The following MAP3K4 variants were observed in gnomAD, a reference collection of about 807,000 sequenced individuals.
MAP3K4 encodes mitogen-activated protein kinase kinase kinase 4.
In MAP3K4, 67 loss-of-function variants were observed where a neutral mutation model predicts 185.6. The ratio of observed to expected loss-of-function variants is 0.36; its 90% CI spans 0.30 to 0.44. The LOEUF is 0.44. Among genes scored for constraint, MAP3K4 ranks in the 20% least tolerant of loss-of-function variants. MAP3K4 has a pLI of 1.00. For synonymous variants in MAP3K4, 702 were observed against 710.4 expected, an observed-to-expected ratio of 0.99 and a Z score of 0.19; for missense variants, 1,551 against 1,995.1, an observed-to-expected ratio of 0.78 and a Z score of 4.24.
intron 11 of MAP3K4, among the ~76,000 whole-genome samples, chr6:161,090,979 G>T (rs1046131938): frequency 1.3e-5 from 2 of 152,226 alleles, no homozygotes; most frequent in Admixed American, 1.3e-4. Flanking sequence ...GGACTAGGGA[G>T]TAGCAGGGAA....
chr6:161,035,630 C>G (rs1172718374), intron 2 of MAP3K4, among the ~76,000 whole-genome samples: 1 of 152,132 alleles, frequency 6.6e-6, no homozygotes, highest in South Asian at 2.1e-4. Flanking sequence ...CCTGTACTTA[C>G]CCCTTTGGAA....
chr6:161,089,225 TC>T, intron 10 of MAP3K4, 96 bp from the exon 11 acceptor site: 1 of 1,314,032 alleles, frequency 7.6e-7, no homozygotes, highest in East Asian at 2.3e-5. Context: ...TGGCCTGGTA[TC>T]CCTGAGATTG....
At position 161,100,441 on chromosome 6, in the gene MAP3K4, G is replaced by T. The variant is rs1459371360; in HGVS notation, c.3675-1451G>T. 4.6e-5 allele frequency among the ~76,000 whole-genome samples: 7 copies of T among 152,210 alleles called. No individual in the cohort carries two copies. The highest frequency in any genetic ancestry group is 8.8e-5 in the Non-Finnish European group (6 of 68,040). Reference sequence around the variant, plus strand: ...ATTTTACTTGACCTAGGAAATATCTGTTCTGGGCTTAAGTTATCTTATCAT... The same window carrying T: ...ATTTTACTTGACCTAGGAAATATCTTTTCTGGGCTTAAGTTATCTTATCAT... On this transcript the variant is annotated intron_variant, in intron 17 of 26. Coordinates refer to ENST00000392142, the MANE Select transcript of MAP3K4 (RefSeq NM_005922.4). The surrounding 1 kb of genome is among the most constrained non-coding windows in gnomAD (Gnocchi z 5.8).
intron 1 of MAP3K4, among the ~76,000 whole-genome samples, chr6:161,003,629 G>T (rs1340465867): frequency 6.6e-6 from 1 of 152,170 alleles, no homozygotes; most frequent in East Asian, 1.9e-4. Flanking sequence ...GCCTGTAGCT[G>T]ATTGTAAGTG....
chr6:160,995,971 A>T (rs889235578), intron 1 of MAP3K4, among the ~76,000 whole-genome samples: 2 of 152,202 alleles, frequency 1.3e-5, no homozygotes, highest in African/African-American at 2.4e-5. Context: ...TAAAAAATGA[A>T]TTATTTACTT....
In MAP3K4 at chr6:161,107,759, C is replaced by A; in HGVS notation, c.4049-140C>A. The A allele has an allele frequency of 5.1e-6, 3 of 584,172 alleles. No individual in the cohort carries two copies. The highest frequency in any genetic ancestry group is 8.6e-6 in the Non-Finnish European group (3 of 347,434). 36.2% of individuals were successfully genotyped at this position (584,172 alleles called of 1,614,324 possible). ...ACATTTAGAAAAATTTTGGATCTTG[C>A]AATAGTAAACTGCAGTAAACATAAT... On this transcript the variant is annotated intron_variant, in intron 20 of 26. Transcript: ENST00000392142. The surrounding 1 kb of genome is among the most constrained non-coding windows in gnomAD (Gnocchi z 6.2).
chr6:161,086,629 G>A lies in MAP3K4; in HGVS notation c.2518G>A (p.Asp840Asn). Reference sequence around the variant, plus strand: ...ATTCAGGCTTTCAGCCCCAGTTAGAGACCTCCTGGATGTTCTGAAATCAAA... The same window carrying A: ...ATTCAGGCTTTCAGCCCCAGTTAGAAACCTCCTGGATGTTCTGAAATCAAA... ...AEFRLSAPVRDLLDVLKSKQY... is the reference protein window; with the variant it reads ...AEFRLSAPVRNLLDVLKSKQY... The change falls in exon 9 of 27, where the codon GAC becomes AAC. Residue 840 changes from aspartate (D) to asparagine (N), a missense_variant. Physicochemically the swap from Asp to Asn is conservative, Grantham distance 23 (BLOSUM62 1). Transcript: ENST00000392142. This position sits in a 1 kb window ranked among gnomAD's most constrained non-coding sequence, Gnocchi z 4.8. 1 of 1,614,080 alleles carries A rather than the reference G, an allele frequency of 6.2e-7. No individual in the cohort carries two copies. The highest frequency in any genetic ancestry group is 8.5e-7 in the Non-Finnish European group (1 of 1,179,996).
In MAP3K4 at chr6:161,076,224, G is replaced by A. The variant is rs187552181; in HGVS notation, c.2097+2612G>A. On this transcript the variant is annotated intron_variant, in intron 5 of 26. Transcript: ENST00000392142. This position sits in a 1 kb window ranked among gnomAD's most constrained non-coding sequence, Gnocchi z 4.2. ...AACTAGAGCCTTGATATCTAGGGGT[G>A]TGACAGCCATGACCGAAGCTGAGCC... Among the ~76,000 whole-genome samples the A allele has an allele frequency of 1.3e-5, 2 of 152,354 alleles. No individual in the cohort carries two copies. Among genetic ancestry groups the A allele is most frequent in the East Asian group, 3.9e-4 (2 of 5,178 alleles).
intron 3 of MAP3K4, among the ~76,000 whole-genome samples, chr6:161,060,618 C>CTTTTTTTT (rs35196179): frequency 1.6e-5 from 2 of 126,412 alleles, no homozygotes; most frequent in African/African-American, 3.0e-5. Flanking sequence ...TTTTCTTTTT[C>CTTTTTTTT]TTTTTTTTTT....
rs936854587 is a variant in MAP3K4 at position 161,075,123 on chromosome 6, G to T, written c.2097+1511G>T. Among the ~76,000 whole-genome samples the T allele has an allele frequency of 6.6e-6, 1 of 152,184 alleles. No homozygotes were observed. The highest frequency in any genetic ancestry group is 2.4e-5 in the African/African-American group (1 of 41,454). ...GTTATTCTCTATATAAAAGACCTGA[G>T]TGTGTAAAATGGCTGTATTTTGAAA... On this transcript the variant is annotated intron_variant, in intron 5 of 26. Coordinates refer to ENST00000392142, the MANE Select transcript of MAP3K4 (RefSeq NM_005922.4). The surrounding 1 kb of genome is among the most constrained non-coding windows in gnomAD (Gnocchi z 4.3).
At chr6:161,113,069 G>T (rs1257274733) in intron 25 of MAP3K4, among the ~76,000 whole-genome samples, 1 of 152,128 alleles carries the variant, frequency 6.6e-6, no homozygotes, top group East Asian at 1.9e-4. Context: ...TTGGAAACAT[G>T]TCCACACAAA....
rs1783211109 is a variant in MAP3K4, at chr6:161,037,227, T to C, written c.343+2778T>C. Among the ~76,000 whole-genome samples, 1 of 152,176 alleles carries C rather than the reference T, an allele frequency of 6.6e-6. No homozygotes were observed. Among genetic ancestry groups the C allele is most frequent in the African/African-American group, 2.4e-5 (1 of 41,444 alleles). ...GAGAATTTATTTGTTCTCAGACTAT[T>C]GCAGCACAGCATGGTGGACAAAAGC... On this transcript the variant is annotated intron_variant, in intron 2 of 26. Transcript: ENST00000392142. This position sits in a 1 kb window ranked among gnomAD's most constrained non-coding sequence, Gnocchi z 4.2.
At chr6:161,059,808 G>A (rs1784408322) in intron 3 of MAP3K4, among the ~76,000 whole-genome samples, 1 of 147,726 alleles carries the variant, frequency 6.8e-6, no homozygotes, top group African/African-American at 2.5e-5. Flanking sequence ...ATGTCCATGT[G>A]TTATCATTGT....
Position 161,048,582 on chromosome 6 carries a change from T to C in MAP3K4, c.344-34T>C. 7.3e-7 allele frequency: 1 copy of C among 1,364,076 alleles called. No homozygotes were observed. Among genetic ancestry groups the C allele is most frequent in the Non-Finnish European group, 1.0e-6 (1 of 1,001,972 alleles). The allele number at this position is 1,364,076 out of a possible 1,614,324, so 84.5% of individuals were successfully genotyped here. Reference sequence around the variant, plus strand: ...TGAGAGTAGCTTCATATTTTAGAGTTATATAATGTTCTGTTTATTTTTTTT... The same window carrying C: ...TGAGAGTAGCTTCATATTTTAGAGTCATATAATGTTCTGTTTATTTTTTTT... On this transcript the variant is annotated intron_variant, in intron 2 of 26. Coordinates refer to ENST00000392142, the MANE Select transcript of MAP3K4 (RefSeq NM_005922.4). This position sits in a 1 kb window ranked among gnomAD's most constrained non-coding sequence, Gnocchi z 4.7.
chr6:161,096,954 A>G lies in MAP3K4; in HGVS notation c.3428-126A>G. Reference sequence around the variant, plus strand: ...ATATGTAATATTATTTTTTACTTATATAAATGGACTTACCTTGGTCATTGG... The same window carrying G: ...ATATGTAATATTATTTTTTACTTATGTAAATGGACTTACCTTGGTCATTGG... On this transcript the variant is annotated intron_variant, in intron 15 of 26. Transcript: ENST00000392142. This position sits in a 1 kb window ranked among gnomAD's most constrained non-coding sequence, Gnocchi z 4.9. The G allele has an allele frequency of 1.6e-6, 1 of 631,400 alleles. No homozygotes were observed. The highest frequency in any genetic ancestry group is 2.8e-6 in the Non-Finnish European group (1 of 355,262). 39.1% of individuals were successfully genotyped at this position (631,400 alleles called of 1,614,324 possible).
In MAP3K4 at chr6:161,093,989, A is replaced by G. The variant is rs1777452727; in HGVS notation, c.3427+138A>G. The G allele has an allele frequency of 1.6e-6, 1 of 633,790 alleles. No individual in the cohort carries two copies. The highest frequency in any genetic ancestry group is 2.1e-5 in the South Asian group (1 of 48,632). The allele number at this position is 633,790 out of a possible 1,614,324, so 39.3% of individuals were successfully genotyped here. On this transcript the variant is annotated intron_variant, in intron 15 of 26. Transcript: ENST00000392142. This position sits in a 1 kb window ranked among gnomAD's most constrained non-coding sequence, Gnocchi z 5.2. Reference sequence around the variant, plus strand: ...GAAAACGACAATGAGAGGGACAGAAATGAGGTGTGTAGATAGAGAACTCCG... The same window carrying G: ...GAAAACGACAATGAGAGGGACAGAAGTGAGGTGTGTAGATAGAGAACTCCG...
At position 161,109,021 on chromosome 6, in the gene MAP3K4, T is replaced by G; in HGVS notation, c.4236+162T>G. 1 of 1,567,200 alleles carries G rather than the reference T, an allele frequency of 6.4e-7. No individual in the cohort carries two copies. On this transcript the variant is annotated intron_variant, in intron 22 of 26. Coordinates refer to ENST00000392142, the MANE Select transcript of MAP3K4 (RefSeq NM_005922.4). The surrounding 1 kb of genome is among the most constrained non-coding windows in gnomAD (Gnocchi z 5.7). Reference sequence around the variant, plus strand: ...ATCATTTCTGCCTTCTCTCTGAAACTAGAGGAGTTCCTCCTAAAATGTAAG... The same window carrying G: ...ATCATTTCTGCCTTCTCTCTGAAACGAGAGGAGTTCCTCCTAAAATGTAAG...
rs943439717 is a variant in MAP3K4, at chr6:161,022,768, C to T, written c.153-11491C>T. On this transcript the variant is annotated intron_variant, in intron 1 of 26. Transcript: ENST00000392142. This position sits in a 1 kb window ranked among gnomAD's most constrained non-coding sequence, Gnocchi z 4.2. ...TACCTCGCATGTAACAGAGCACCTC[C>T]CATCATCAATAAGAATTGACCTCCT... Among the ~76,000 whole-genome samples, 4 of 152,088 alleles carry T rather than the reference C, an allele frequency of 2.6e-5. No homozygotes were observed. The highest frequency in any genetic ancestry group is 9.7e-5 in the African/African-American group (4 of 41,380).
rs538420837 is a variant in MAP3K4 at position 161,082,720 on chromosome 6, C to T, written c.2255+1682C>T. Among the ~76,000 whole-genome samples, 12 of 152,224 alleles carry T rather than the reference C, an allele frequency of 7.9e-5. No individual in the cohort carries two copies. The South Asian group carries it at 2.3e-3, about 29-fold the overall frequency. On this transcript the variant is annotated intron_variant, in intron 6 of 26. Coordinates refer to ENST00000392142, the MANE Select transcript of MAP3K4 (RefSeq NM_005922.4). The surrounding 1 kb of genome is among the most constrained non-coding windows in gnomAD (Gnocchi z 4.2). ...TTTTGGGTGCCCTTTGAGGGTATAT[C>T]CAGAATCTGACCTCTGCCTCTCAAG... is the stretch of plus-strand genomic sequence containing the variant.
Sources: gnomAD v4.1 joint callset for allele counts (sites outside exome capture counted in the v4.1 genomes callset) on GRCh38, gnomAD v4.1.1 for gene constraint, Gnocchi (gnomAD v3.1) non-coding constraint, MANE v1.5 for transcripts, NCBI Gene and HGNC (gene_info 2026-07-23, HGNC 2026-07-21) for gene names.